The following PPP1R8 variants were observed in gnomAD, a reference collection of about 807,000 sequenced individuals.
PPP1R8 encodes protein phosphatase 1 regulatory subunit 8.
In PPP1R8, 4 loss-of-function variants were observed where a neutral mutation model predicts 31.3. The observed-to-expected ratio is 0.13, with a 90% CI of 0.06 to 0.29. The LOEUF (loss-of-function observed/expected upper bound fraction) is 0.29. Ranked by LOEUF, PPP1R8 falls within the 10% of genes least tolerant of loss-of-function variation. The pLI is 1.00. For synonymous variants in PPP1R8, 170 were observed against 169.7 expected, an observed-to-expected ratio of 1.00 and a Z score of -0.01; for missense variants, 254 against 440.1, an observed-to-expected ratio of 0.58 and a Z score of 3.78.
rs1478867357 is a variant in PPP1R8 at position 27,851,348 on chromosome 1, CTTG to C, written c.*905_*907del. ...CTCTTTCCCCCCTCAATTGAGAGCT[CTTG>C]TTATTCAGAGCTCCAAGACTAGACC... is the stretch of plus-strand genomic sequence containing the variant. On this transcript the variant is annotated 3_prime_UTR_variant, in exon 7 of 7. Coordinates refer to ENST00000311772, the MANE Select transcript of PPP1R8 (RefSeq NM_014110.5). 3.1e-6 allele frequency: 1 copy of C among 322,708 alleles called. No homozygotes were observed. Among genetic ancestry groups the C allele is most frequent in the East Asian group, 7.7e-5 (1 of 12,990 alleles). The allele number at this position is 322,708 out of a possible 1,614,324, so 20.0% of individuals were successfully genotyped here. A position where few individuals can be genotyped will look rare whatever the true frequency, so the allele number is the denominator to read the frequency against.
In PPP1R8 at chr1:27,847,104, A is replaced by C. The variant is rs1306026732; in HGVS notation, c.702+12A>C. 3.1e-6 allele frequency: 5 copies of C among 1,611,856 alleles called. No homozygotes were observed. The highest frequency in any genetic ancestry group is 4.2e-6 in the Non-Finnish European group (5 of 1,178,022). ...TGGTCCCAGTCAAGGTAGGAAGCACATGAAATGCCATACAGTCTGTGTTTT... is the reference window on the plus strand; with the variant it reads ...TGGTCCCAGTCAAGGTAGGAAGCACCTGAAATGCCATACAGTCTGTGTTTT... On this transcript the variant is annotated intron_variant, in intron 6 of 6. Transcript: ENST00000311772.
chr1:27,850,012 A>G (rs939199380), intron 6 of PPP1R8, 81 bp from the exon 7 acceptor site: 10 of 1,321,536 alleles, frequency 7.6e-6, no homozygotes, highest in African/African-American at 1.5e-5. Flanking sequence ...TAAGGCTGGA[A>G]TAGAAAAAGC....
Position 27,841,252 on chromosome 1 carries a change from T to A in PPP1R8, c.492+18T>A. On this transcript the variant is annotated intron_variant, in intron 4 of 6. Coordinates refer to ENST00000311772, the MANE Select transcript of PPP1R8 (RefSeq NM_014110.5). ...AGCTTGATGTAATTCCCTGTTTATG[T>A]CATTGTTTTGTCTTTGGGGACCCTG... 1 of 1,612,716 alleles carries A rather than the reference T, an allele frequency of 6.2e-7. No homozygotes were observed. Among genetic ancestry groups the A allele is most frequent in the Non-Finnish European group, 8.5e-7 (1 of 1,179,292 alleles).
At chr1:27,834,834 A>G (rs974892395) in intron 2 of PPP1R8, among the ~76,000 whole-genome samples, 2 of 152,180 alleles carry the variant, frequency 1.3e-5, no homozygotes, top group East Asian at 3.8e-4. Context: ...GCTGGCCAGC[A>G]TGGCAAAACC....
At chr1:27,845,418 G>T (rs1316685964) in intron 5 of PPP1R8, among the ~76,000 whole-genome samples, 1 of 151,654 alleles carries the variant, frequency 6.6e-6, no homozygotes, top group African/African-American at 2.4e-5. Flanking sequence ...AAGAAAATTA[G>T]TGCCCTCGAG....
intron 2 of PPP1R8, among the ~76,000 whole-genome samples, chr1:27,838,114 G>A (rs1557427684): frequency 6.6e-6 from 1 of 151,976 alleles, no homozygotes; most frequent in Non-Finnish European, 1.5e-5. Context: ...GGGAGGCTGA[G>A]GCAGGAGAAT....
intron 2 of PPP1R8, among the ~76,000 whole-genome samples, chr1:27,833,444 G>T (rs1017608010): frequency 3.3e-5 from 5 of 152,110 alleles, no homozygotes; most frequent in Non-Finnish European, 5.9e-5. Flanking sequence ...AATTATATTT[G>T]AATTAAGTAC....
At chr1:27,831,592 A>G (rs1557814195) in intron 1 of PPP1R8, among the ~76,000 whole-genome samples, 2 of 152,128 alleles carry the variant, frequency 1.3e-5, no homozygotes, top group Non-Finnish European at 2.9e-5. Context: ...ATCGCAGTGT[A>G]TTGTTTGTTG....
chr1:27,848,660 T>G (rs1430191518), intron 6 of PPP1R8, among the ~76,000 whole-genome samples: 1 of 152,252 alleles, frequency 6.6e-6, no homozygotes, highest in Non-Finnish European at 1.5e-5. Context: ...TCAGAGTTCC[T>G]GCTTAGACTT....
chr1:27,847,615 C>A (rs1305593353), intron 6 of PPP1R8, among the ~76,000 whole-genome samples: 2 of 151,844 alleles, frequency 1.3e-5, no homozygotes, highest in African/African-American at 2.4e-5. Flanking sequence ...CCTGTAGTCT[C>A]AGCTAACTGG....
intron 1 of PPP1R8, among the ~76,000 whole-genome samples, chr1:27,831,703 GA>G: frequency 1.3e-5 from 2 of 152,304 alleles, no homozygotes; most frequent in Middle Eastern, 6.8e-3. Context: ...TAGGAATTCA[GA>G]AAGTATGTTT....
chr1:27,838,782 C>T lies in PPP1R8; in HGVS notation c.201C>T (p.Cys67=). ...ACTTTACCATTGACCACCAGTCTTGCTCTCGGGTCCATGCTGCACTTGTCT... is the reference window on the plus strand; with the variant it reads ...ACTTTACCATTGACCACCAGTCTTGTTCTCGGGTCCATGCTGCACTTGTCT... ...LCDFTIDHQS[C]SRVHAALVYH... Residue 67 remains cysteine, a synonymous_variant, in exon 3 of 7, where the codon TGC becomes TGT. Coordinates refer to ENST00000311772, the MANE Select transcript of PPP1R8 (RefSeq NM_014110.5). 6.2e-7 allele frequency: 1 copy of T among 1,613,092 alleles called. No individual in the cohort carries two copies.
intron 4 of PPP1R8, 44 bp from the exon 5 acceptor site, chr1:27,843,142 C>G: frequency 6.2e-7 from 1 of 1,611,826 alleles, no homozygotes; most frequent in East Asian, 2.2e-5. Context: ...CATCAGATTC[C>G]CTTTGTACTG....
In PPP1R8 at chr1:27,830,910, A is replaced by G. The variant is rs961429550; in HGVS notation, c.56+19A>G. On this transcript the variant is annotated intron_variant, in intron 1 of 6. Transcript: ENST00000311772. ...CAACCTGGTGAGTGGCGGGGCGGCC[A>G]GGGCTAGAGTGGCCCGGCCGGAGCT... The G allele has an allele frequency of 9.0e-6, 14 of 1,555,026 alleles. No homozygotes were observed. The highest frequency in any genetic ancestry group is 6.8e-5 in the African/African-American group (5 of 73,078).
At position 27,851,108 on chromosome 1, in the gene PPP1R8, CT is replaced by C. The variant is rs1557434611; in HGVS notation, c.*663del. 2 of 157,902 alleles carry C rather than the reference CT, an allele frequency of 1.3e-5. No homozygotes were observed. Among genetic ancestry groups the C allele is most frequent in the Non-Finnish European group, 2.8e-5 (2 of 71,216 alleles). The allele number at this position is 157,902 out of a possible 1,614,324, so 9.8% of individuals were successfully genotyped here. On this transcript the variant is annotated 3_prime_UTR_variant, in exon 7 of 7. Transcript: ENST00000311772. ...ACTTACAGTATTGTTTGAAATTTAC[CT>C]GTTTTTCTTGTCAAACCTGAGCACT...
chr1:27,840,411 CAG>C (rs2089211697), intron 3 of PPP1R8, among the ~76,000 whole-genome samples: 1 of 152,154 alleles, frequency 6.6e-6, no homozygotes, highest in Non-Finnish European at 1.5e-5. Context: ...AGAATGCCAA[CAG>C]GGGAAAATAT....
chr1:27,841,603 G>T (rs2089223580), intron 4 of PPP1R8, among the ~76,000 whole-genome samples: 1 of 152,212 alleles, frequency 6.6e-6, no homozygotes, highest in Admixed American at 6.5e-5. Context: ...CAAGTATTAT[G>T]TAGTCACATA....
At chr1:27,844,653 C>T (rs536593025) in intron 5 of PPP1R8, among the ~76,000 whole-genome samples, 2 of 148,950 alleles carry the variant, frequency 1.3e-5, no homozygotes, top group Admixed American at 1.3e-4. Flanking sequence ...TAATGAGCTC[C>T]TGTTTGTACA....
At chr1:27,836,539 C>G (rs2089167756) in intron 2 of PPP1R8, among the ~76,000 whole-genome samples, 1 of 152,154 alleles carries the variant, frequency 6.6e-6, no homozygotes, top group African/African-American at 2.4e-5. Flanking sequence ...CTCAGCCTCC[C>G]GAGTAGCTGG....
Sources: gnomAD v4.1 joint callset for allele counts (sites outside exome capture counted in the v4.1 genomes callset) on GRCh38, gnomAD v4.1.1 for gene constraint, MANE v1.5 for transcripts, NCBI Gene and HGNC (gene_info 2026-07-23, HGNC 2026-07-21) for gene names.